The following FOXO3 variants were observed in gnomAD, a reference collection of about 807,000 sequenced individuals.
The protein encoded by FOXO3 is forkhead box O3.
FOXO3 carries 4 observed loss-of-function variants against 41.9 expected under a neutral mutation model. The ratio of observed to expected loss-of-function variants is 0.10; its 90% CI spans 0.05 to 0.22. The LOEUF is 0.22. FOXO3 is among the 10% of genes least tolerant of loss of function. The pLI is 1.00. For missense variants in FOXO3, 534 were observed against 906.8 expected, an observed-to-expected ratio of 0.59 and a Z score of 5.28; for synonymous variants, 318 against 389.3, an observed-to-expected ratio of 0.82 and a Z score of 2.16.
At chr6:108,560,235 C>T (rs1270757059), upstream of FOXO3, among the ~76,000 whole-genome samples, 1 of 152,204 alleles carries the variant, frequency 6.6e-6, no homozygotes, top group Non-Finnish European at 1.5e-5. Context: ...GGTTTTCTAG[C>T]AGCCCGGGAG....
At position 108,613,795 on chromosome 6, in the gene FOXO3, CT is replaced by C. The variant is rs549407781; in HGVS notation, c.622-49655del. On this transcript the variant is annotated intron_variant, in intron 1 of 2. Transcript: ENST00000406360. ...CTGCATGTTGTGGGTTTAATTTGCT[CT>C]TTTTCTGGCATCTTAAGGTGAAACC... Among the ~76,000 whole-genome samples, 4 of 150,750 alleles carry C rather than the reference CT, an allele frequency of 2.7e-5. No homozygotes were observed. The South Asian group carries it at 8.4e-4, about 32-fold the overall frequency.
At chr6:108,562,464 C>T (rs942589000) in intron 1 of FOXO3, among the ~76,000 whole-genome samples, 5 of 152,100 alleles carry the variant, frequency 3.3e-5, no homozygotes, top group Non-Finnish European at 7.4e-5. Flanking sequence ...AGATGTCGCT[C>T]CAGTAAACCT....
chr6:108,651,499 C>T (rs72944310), intron 1 of FOXO3, among the ~76,000 whole-genome samples: 6,374 of 152,266 alleles, frequency 0.042, 255 homozygotes, highest in South Asian at 0.22. Flanking sequence ...AAATCAGTTG[C>T]TCTTGAAATA....
At chr6:108,658,888 G>T (rs1778766233) in intron 1 of FOXO3, among the ~76,000 whole-genome samples, 1 of 150,706 alleles carries the variant, frequency 6.6e-6, no homozygotes, top group Middle Eastern at 3.5e-3. Flanking sequence ...GTGTTTTTTT[G>T]TTTGTTTGTT....
chr6:108,567,580 C>T (rs74856692), intron 1 of FOXO3, among the ~76,000 whole-genome samples: 2,431 of 152,256 alleles, frequency 0.016, 64 homozygotes, highest in African/African-American at 0.056. Context: ...ATGTGAGTGA[C>T]TGGGTTCAGG....
Position 108,561,574 on chromosome 6 carries a change from T to G in FOXO3, c.366T>G (p.Gly122=). 6.8e-7 allele frequency: 1 copy of G among 1,477,614 alleles called. No individual in the cohort carries two copies. 91.5% of individuals were successfully genotyped at this position (1,477,614 alleles called of 1,614,324 possible). The change falls in exon 1 of 3, where the codon GGT becomes GGG. Residue 122 remains glycine, a synonymous_variant. Transcript: ENST00000406360. ...PATAAGGLSG[G]TQALLQPQQP... ...CCGCGGCGGGCGGGCTGAGCGGGGG[T>G]ACACAGGCGCTGCTGCAGCCTCAGC...
At chr6:108,658,414 G>A (rs905433842) in intron 1 of FOXO3, among the ~76,000 whole-genome samples, 2 of 152,178 alleles carry the variant, frequency 1.3e-5, no homozygotes, top group Admixed American at 6.5e-5. Flanking sequence ...TCCAGGGAAT[G>A]CATTCTGCCA....
At chr6:108,571,880 A>C (rs1381440797) in intron 1 of FOXO3, among the ~76,000 whole-genome samples, 1 of 152,214 alleles carries the variant, frequency 6.6e-6, no homozygotes, top group Non-Finnish European at 1.5e-5. Context: ...GAGAAGAATA[A>C]AAAGACTTTA....
intron 1 of FOXO3, among the ~76,000 whole-genome samples, chr6:108,572,518 A>G (rs557363067): frequency 3.3e-5 from 5 of 152,334 alleles, no homozygotes; most frequent in African/African-American, 1.2e-4. Context: ...CCTCACAGAA[A>G]CAGCAGCAGT....
chr6:108,640,664 A>C (rs980594251), intron 1 of FOXO3, among the ~76,000 whole-genome samples: 3 of 152,172 alleles, frequency 2.0e-5, no homozygotes, highest in Non-Finnish European at 2.9e-5. Flanking sequence ...GATACTTCAC[A>C]ATTTCATATG....
rs541165497 is a variant in FOXO3 at position 108,618,797 on chromosome 6, C to A, written c.622-44658C>A. Among the ~76,000 whole-genome samples, 1,071 of 152,292 alleles carry A rather than the reference C, an allele frequency of 7.0e-3. 6 individuals are homozygous for A. Among genetic ancestry groups the A allele is most frequent in the Non-Finnish European group, 0.011 (756 of 68,014 alleles). ...GCAGATCAGTCTAAGACTCTAGGAA[C>A]CGACCCTTTTGTGCTGCTCTCTTCT... On this transcript the variant is annotated intron_variant, in intron 1 of 2. Transcript: ENST00000406360.
chr6:108,582,855 C>T (rs1776469735), intron 1 of FOXO3, among the ~76,000 whole-genome samples: 1 of 152,034 alleles, frequency 6.6e-6, no homozygotes. Flanking sequence ...TTCTCAGCAG[C>T]CCTGCTTTAT....
intron 2 of FOXO3, 87 bp from the exon 3 acceptor site, chr6:108,679,740 G>A (rs1770771549): frequency 6.5e-6 from 1 of 154,476 alleles, no homozygotes; most frequent in Non-Finnish European, 1.5e-5. Flanking sequence ...GAGGGAGATG[G>A]AAGGCCTTGA....
intron 1 of FOXO3, among the ~76,000 whole-genome samples, chr6:108,578,533 T>G (rs1776323236): frequency 1.3e-5 from 2 of 152,196 alleles, no homozygotes; most frequent in Non-Finnish European, 2.9e-5. Context: ...ATCACAGCAA[T>G]AAAGGATCCA....
intron 1 of FOXO3, among the ~76,000 whole-genome samples, chr6:108,607,547 G>A (rs1467117792): frequency 6.6e-6 from 1 of 151,228 alleles, no homozygotes; most frequent in Non-Finnish European, 1.5e-5. Flanking sequence ...TACATGTTTT[G>A]AAAATGGAAT....
intron 1 of FOXO3, among the ~76,000 whole-genome samples, chr6:108,621,219 C>T (rs1367305205): frequency 1.3e-5 from 2 of 152,284 alleles, no homozygotes; most frequent in South Asian, 2.1e-4. Context: ...TGTATGTCCT[C>T]GCTCTGCCTG....
intron 1 of FOXO3, among the ~76,000 whole-genome samples, chr6:108,571,895 G>A (rs965849740): frequency 6.6e-6 from 1 of 152,196 alleles, no homozygotes; most frequent in African/African-American, 2.4e-5. Context: ...ACTTTATTTA[G>A]ATTCAAATCA....
intron 1 of FOXO3, among the ~76,000 whole-genome samples, chr6:108,614,522 T>C (rs1456124530): frequency 3.3e-5 from 5 of 152,148 alleles, no homozygotes; most frequent in Non-Finnish European, 7.4e-5. Context: ...TAATAACTGT[T>C]AATAATATAG....
chr6:108,654,629 C>T lies in FOXO3; in HGVS notation c.622-8826C>T, dbSNP rs546107360. Among the ~76,000 whole-genome samples the T allele has an allele frequency of 8.7e-4, 132 of 152,182 alleles. 1 individual carries two copies. In the South Asian group the frequency reaches 8.7e-3, roughly 10 times the overall value. On this transcript the variant is annotated intron_variant, in intron 1 of 2. Coordinates refer to ENST00000406360, the MANE Select transcript of FOXO3 (RefSeq NM_001455.4). ...TTAAATGTTAGTTTCCAAAGGCCAT[C>T]TCTGTGGGTAGAGGGTTATCGTCAG... is the stretch of plus-strand genomic sequence containing the variant.
Sources: gnomAD v4.1 joint callset for allele counts (sites outside exome capture counted in the v4.1 genomes callset) on GRCh38, gnomAD v4.1.1 for gene constraint, MANE v1.5 for transcripts, NCBI Gene and HGNC (gene_info 2026-07-23, HGNC 2026-07-21) for gene names.